The following DHRS7C variants were observed in gnomAD, a reference collection of about 807,000 sequenced individuals.
The protein encoded by DHRS7C is dehydrogenase/reductase SDR family member 7C.
DHRS7C carries 28 observed loss-of-function variants against 29.6 expected under a neutral mutation model. The ratio of observed to expected loss-of-function variants is 0.95; its 90% CI spans 0.70 to 1.30. DHRS7C has a LOEUF of 1.30. Ranked by LOEUF, DHRS7C falls within the 50% of genes most tolerant of loss-of-function variation. DHRS7C has a pLI of 0.00. For synonymous variants in DHRS7C, 158 were observed against 160.2 expected (o/e 0.99, Z 0.10); for missense variants, 403 against 393.3 (o/e 1.02, Z -0.21).
At chr17:9,777,393 C>T (rs3817431) in intron 3 of DHRS7C, 108 bp from the exon 4 acceptor site, 72,018 of 747,790 alleles carry the variant, frequency 0.096, 5,158 homozygotes, top group East Asian at 0.32. Flanking sequence ...CCGCTACCTC[C>T]GCGGTAACTA....
intron 1 of DHRS7C, among the ~76,000 whole-genome samples, chr17:9,790,196 A>C (rs2066447191): frequency 6.6e-6 from 1 of 152,156 alleles, no homozygotes; most frequent in Non-Finnish European, 1.5e-5. Flanking sequence ...TCTCGGGGCA[A>C]TGCTCAGGAC....
chr17:9,781,311 A>G (rs2066391665), intron 2 of DHRS7C, among the ~76,000 whole-genome samples, 171 bp downstream of exon 2: 1 of 152,164 alleles, frequency 6.6e-6, no homozygotes, highest in Non-Finnish European at 1.5e-5. Flanking sequence ...AAACAAGTCA[A>G]CCCTTTATGA....
At position 9,771,443 on chromosome 17, in the gene DHRS7C, G is replaced by C; in HGVS notation, c.*45C>G. ...AGGACAGAAGCGCCAGCACCTGCCA[G>C]AAAAACCTTTATTTCCAAGGGGTGG... On this transcript the variant is annotated 3_prime_UTR_variant, in exon 6 of 6. Transcript: ENST00000571134. 7.0e-7 allele frequency: 1 copy of C among 1,428,800 alleles called. No homozygotes were observed. Among genetic ancestry groups the C allele is most frequent in the Middle Eastern group, 1.9e-4 (1 of 5,326 alleles). The allele number at this position is 1,428,800 out of a possible 1,614,324, so 88.5% of individuals were successfully genotyped here. A position where few individuals can be genotyped will look rare whatever the true frequency, so the allele number is the denominator to read the frequency against.
chr17:9,777,463 C>T (rs1440915564), intron 3 of DHRS7C, among the ~76,000 whole-genome samples, 178 bp from the exon 4 acceptor site: 13 of 151,546 alleles, frequency 8.6e-5, no homozygotes, highest in African/African-American at 2.4e-4. Flanking sequence ...GTTTCCAAAG[C>T]GTGGGCTGGC....
intron 2 of DHRS7C, 95 bp downstream of exon 2, chr17:9,781,387 A>G: frequency 8.7e-7 from 1 of 1,155,178 alleles, no homozygotes; most frequent in South Asian, 1.4e-5. Flanking sequence ...GCAATCACCA[A>G]GTTTCCTCCA....
intron 1 of DHRS7C, among the ~76,000 whole-genome samples, chr17:9,781,947 A>G (rs1319601489): frequency 1.3e-5 from 2 of 152,216 alleles, no homozygotes; most frequent in Non-Finnish European, 2.9e-5. Flanking sequence ...GATAATGGAG[A>G]CAAACCACCA....
chr17:9,780,511 C>G (rs2066387709), intron 2 of DHRS7C, among the ~76,000 whole-genome samples: 1 of 152,172 alleles, frequency 6.6e-6, no homozygotes, highest in South Asian at 2.1e-4. Context: ...ATTTTTGAAG[C>G]ACCTACTATG....
chr17:9,781,702 C>A, intron 1 of DHRS7C, 108 bp from the exon 2 acceptor site: 3 of 1,048,640 alleles, frequency 2.9e-6, no homozygotes, highest in Non-Finnish European at 4.2e-6. Context: ...GAAGTCTTAG[C>A]ACCACGAGGT....
intron 1 of DHRS7C, among the ~76,000 whole-genome samples, chr17:9,784,255 G>A (rs544157748): frequency 7.9e-5 from 12 of 152,150 alleles, no homozygotes; most frequent in African/African-American, 2.4e-4. Context: ...GGCAGATCAC[G>A]AGGTCAGGAG....
intron 3 of DHRS7C, 24 bp downstream of exon 3, chr17:9,779,801 A>G (rs1386244388): frequency 6.3e-7 from 1 of 1,599,892 alleles, no homozygotes. Flanking sequence ...CCAGATACCC[A>G]TGGGAAAGTC....
In DHRS7C at chr17:9,775,822, T is replaced by C. The variant is rs1211523052; in HGVS notation, c.571+1371A>G. Among the ~76,000 whole-genome samples the C allele has an allele frequency of 6.6e-6, 1 of 152,166 alleles. No individual in the cohort carries two copies. Among genetic ancestry groups the C allele is most frequent in the African/African-American group, 2.4e-5 (1 of 41,434 alleles). On this transcript the variant is annotated intron_variant, in intron 4 of 5. Transcript: ENST00000571134. This position sits in a 1 kb window ranked among gnomAD's most constrained non-coding sequence, Gnocchi z 4.2. ...ACCCAGTACTCAGAATGTGACGGTA[T>C]TTAGAGATATTTAAAGAGGTGATTA...
rs2066420994 is a variant in DHRS7C, at chr17:9,786,005, G to A, written c.155-4411C>T. ...AATGCTCTGTTTCGGGACCCACCGTGACGGAAGGATTTTGCATAATCTAAT... is the reference window on the plus strand; with the variant it reads ...AATGCTCTGTTTCGGGACCCACCGTAACGGAAGGATTTTGCATAATCTAAT... On this transcript the variant is annotated intron_variant, in intron 1 of 5. Transcript: ENST00000571134. Among the ~76,000 whole-genome samples the A allele has an allele frequency of 2.0e-5, 3 of 152,000 alleles. No individual in the cohort carries two copies. In the South Asian group the frequency reaches 6.3e-4, roughly 32 times the overall value.
chr17:9,779,819 C>A lies in DHRS7C; in HGVS notation c.478+6G>T, dbSNP rs373394687. ...GATACCCATGGGAAAGTCAAACTCACGAGACCTTTCGTCAATGTGATGGGG... is the reference window on the plus strand; with the variant it reads ...GATACCCATGGGAAAGTCAAACTCAAGAGACCTTTCGTCAATGTGATGGGG... On this transcript the variant is annotated splice_donor_region_variant and intron_variant, in intron 3 of 5. Transcript: ENST00000571134. 1.2e-6 allele frequency: 2 copies of A among 1,608,734 alleles called. No individual in the cohort carries two copies. Among genetic ancestry groups the A allele is most frequent in the African/African-American group, 1.3e-5 (1 of 74,846 alleles).
At chr17:9,784,927 A>T (rs984552409) in intron 1 of DHRS7C, among the ~76,000 whole-genome samples, 5 of 152,252 alleles carry the variant, frequency 3.3e-5, no homozygotes, top group African/African-American at 7.2e-5. Flanking sequence ...AAATAATTTT[A>T]AAAAAGATTC....
In DHRS7C at chr17:9,791,050, C is replaced by T. The variant is rs957064408; in HGVS notation, c.154+81G>A. The T allele has an allele frequency of 3.1e-5, 46 of 1,496,118 alleles. No homozygotes were observed. In the African/African-American group the frequency reaches 3.5e-4, roughly 11 times the overall value. 92.7% of individuals were successfully genotyped at this position (1,496,118 alleles called of 1,614,324 possible). ...CCACCGAGCAGGTTTGCCCACACAG[C>T]GCCCTGCCGCCCTGCCACCCTGCCA... On this transcript the variant is annotated intron_variant, in intron 1 of 5. Coordinates refer to ENST00000571134, the MANE Select transcript of DHRS7C (RefSeq NM_001105571.3).
chr17:9,781,243 T>C (rs1376806537), intron 2 of DHRS7C, among the ~76,000 whole-genome samples: 1 of 152,206 alleles, frequency 6.6e-6, no homozygotes, highest in African/African-American at 2.4e-5. Context: ...TTGAGTTACA[T>C]AGGGTCAGGG....
At chr17:9,791,008 A>C in intron 1 of DHRS7C, 123 bp downstream of exon 1, 3 of 1,203,780 alleles carry the variant, frequency 2.5e-6, no homozygotes, top group Non-Finnish European at 3.4e-6. Context: ...GGGAGAGAAC[A>C]CAGGATCGAT....
intron 1 of DHRS7C, among the ~76,000 whole-genome samples, chr17:9,787,050 A>T (rs2066427962): frequency 1.3e-5 from 2 of 151,690 alleles, no homozygotes; most frequent in Admixed American, 1.3e-4. Flanking sequence ...GGTTCAAGTG[A>T]TTCTCCCGCC....
rs1204104503 is a variant in DHRS7C at position 9,775,043 on chromosome 17, T to C, written c.572-2121A>G. Among the ~76,000 whole-genome samples, 1 of 152,192 alleles carries C rather than the reference T, an allele frequency of 6.6e-6. No individual in the cohort carries two copies. Among genetic ancestry groups the C allele is most frequent in the African/African-American group, 2.4e-5 (1 of 41,442 alleles). ...TGTTCCCAGGAAACTCGTGCATTTG[T>C]CCTATACGGGTCAGTGGCCAAAGCG... On this transcript the variant is annotated intron_variant, in intron 4 of 5. Coordinates refer to ENST00000571134, the MANE Select transcript of DHRS7C (RefSeq NM_001105571.3). The surrounding 1 kb of genome is among the most constrained non-coding windows in gnomAD (Gnocchi z 4.2).
Sources: allele counts gnomAD v4.1 joint callset (sites outside exome capture counted in the v4.1 genomes callset), GRCh38; gene constraint gnomAD v4.1.1; non-coding constraint Gnocchi (gnomAD v3.1); transcripts MANE v1.5; gene names NCBI Gene and HGNC (gene_info 2026-07-23, HGNC 2026-07-21).